The following GALNS variants were observed in gnomAD, a reference collection of about 807,000 sequenced individuals.
GALNS encodes galactosamine (N-acetyl)-6-sulfatase.
A neutral mutation model predicts 65.9 loss-of-function variants in GALNS; 65 were observed. The ratio of observed to expected loss-of-function variants is 0.99; its 90% CI spans 0.81 to 1.21. The LOEUF is 1.21. GALNS is among the 50% of genes most tolerant of loss of function. The pLI, the probability that GALNS is intolerant of heterozygous loss-of-function variation, is 0.00. For synonymous variants in GALNS, 346 were observed against 288.9 expected, an observed-to-expected ratio of 1.20 and a Z score of -2.00; for missense variants, 776 against 700.7, an observed-to-expected ratio of 1.11 and a Z score of -1.21.
intron 1 of GALNS, among the ~76,000 whole-genome samples, chr16:88,845,852 G>A (rs990791013): frequency 6.6e-6 from 1 of 151,658 alleles, no homozygotes. Flanking sequence ...GCCAAGTGTG[G>A]TGGTGTGTAC....
chr16:88,826,639 T>A (rs1037900875), intron 10 of GALNS, 63 bp downstream of exon 10: 24 of 1,577,304 alleles, frequency 1.5e-5, no homozygotes, highest in Non-Finnish European at 2.0e-5. Flanking sequence ...TTGCACCTGA[T>A]TAGCAGCTCT....
intron 3 of GALNS, 30 bp downstream of exon 3, chr16:88,841,867 G>C: frequency 1.9e-6 from 3 of 1,600,092 alleles, no homozygotes; most frequent in Admixed American, 1.7e-5. Flanking sequence ...TGCACCCCAA[G>C]GGTGTCCCTG....
intron 1 of GALNS, 176 bp from the exon 2 acceptor site, chr16:88,843,005 G>T (rs904488313): frequency 1.6e-5 from 24 of 1,509,144 alleles, no homozygotes; most frequent in African/African-American, 2.8e-5. Context: ...CGTGCACGAT[G>T]GGGCCGCTCC....
At chr16:88,851,409 G>A (rs1967502365) in intron 1 of GALNS, among the ~76,000 whole-genome samples, 1 of 152,170 alleles carries the variant, frequency 6.6e-6, no homozygotes, top group Non-Finnish European at 1.5e-5. Context: ...TGGCTGAATA[G>A]GAACAGCTCC....
rs1490386005 is a variant in GALNS at position 88,814,406 on chromosome 16, A to C, written c.*33T>G. ...TCCAGGCACTTGCAGGGCCAACCGG[A>C]GATTCTAGGCCTGGCCTGAGTCTGC... is the stretch of plus-strand genomic sequence containing the variant. On this transcript the variant is annotated 3_prime_UTR_variant, in exon 14 of 14. Transcript: ENST00000268695. 1 of 1,550,954 alleles carries C rather than the reference A, an allele frequency of 6.4e-7. No homozygotes were observed. The highest frequency in any genetic ancestry group is 2.4e-5 in the East Asian group (1 of 41,202).
intron 9 of GALNS, among the ~76,000 whole-genome samples, chr16:88,829,551 A>T (rs1911271717): frequency 6.6e-6 from 1 of 152,176 alleles, no homozygotes; most frequent in Non-Finnish European, 1.5e-5. Flanking sequence ...GGTCTGAGGG[A>T]GGCCCAGACA....
intron 4 of GALNS, among the ~76,000 whole-genome samples, chr16:88,838,161 G>T (rs1418852634): frequency 6.6e-6 from 1 of 152,194 alleles, no homozygotes; most frequent in Admixed American, 6.5e-5. Context: ...TCGAACCCAA[G>T]TGTGTCTCCT....
Position 88,814,498 on chromosome 16 carries a change from A to T in GALNS, c.1510T>A (p.Leu504Ile), listed in dbSNP as rs767011365. The change falls in exon 14 of 14, where the codon TTA becomes ATA. Residue 504 changes from leucine (L) to isoleucine (I), a missense_variant. Transcript: ENST00000268695. ...MNWAPPGCEK[L>I]GKCLTPPESI... ...TCTGGAGGTGTCAGACACTTCCCTA[A>T]CTTTTCACAGCCCGGAGGTGCCCAG... 1 of 1,561,010 alleles carries T rather than the reference A, an allele frequency of 6.4e-7. No homozygotes were observed. The highest frequency in any genetic ancestry group is 8.7e-7 in the Non-Finnish European group (1 of 1,151,838).
rs148565559 is a variant in GALNS, at chr16:88,837,689, A to C, written c.499T>G (p.Phe167Val). The C allele has an allele frequency of 1.6e-3, 2,524 of 1,614,082 alleles. 4 individuals carry two copies. Among genetic ancestry groups the C allele is most frequent in the Non-Finnish European group, 2.0e-3 (2,326 of 1,180,006 alleles). The stretch of plus-strand genomic sequence containing the variant: ...CTGGCCTTGTTGTCATAAGGTCCAA[A>C]GTGGCAGTTGGGGGATCCAAACCAC... The part of the protein sequence containing the change: ...DEWFGSPNCH[F>V]GPYDNKARPN... Residue 167 changes from phenylalanine (F) to valine (V), a missense_variant, in exon 5 of 14, where the codon TTT becomes GTT. Transcript: ENST00000268695.
At chr16:88,844,181 T>TG (rs1014419750) in intron 1 of GALNS, 29 of 145,508 alleles carry the variant, frequency 2.0e-4, no homozygotes, top group Admixed American at 1.8e-3. Context: ...GGAGGACGGG[T>TG]GAGCACAGGG....
intron 5 of GALNS, among the ~76,000 whole-genome samples, chr16:88,836,471 T>C (rs953626783): frequency 6.6e-6 from 1 of 152,064 alleles, no homozygotes; most frequent in African/African-American, 2.4e-5. Flanking sequence ...CTGGGCAACA[T>C]GGTGAAACTC....
chr16:88,823,004 A>G (rs1287167365), intron 11 of GALNS, among the ~76,000 whole-genome samples: 2 of 152,208 alleles, frequency 1.3e-5, no homozygotes, highest in African/African-American at 4.8e-5. Flanking sequence ...CGTAGCTGGC[A>G]TGCCTCACGT....
At position 88,836,212 on chromosome 16, in the gene GALNS, T is replaced by A; in HGVS notation, c.622A>T (p.Ile208Phe). ...GCGGTCCCCATCACCTGCAGGTAGA[T>A]CTGGGTGAGGTTGGCTTCCCCCGTC... ...LKTGEANLTQ[I>F]YLQEALDFIK... is the part of the protein sequence containing the mutation. The change falls in exon 6 of 14, where the codon ATC becomes TTC. Residue 208 changes from isoleucine (I) to phenylalanine (F), a missense_variant. Transcript: ENST00000268695. 6.2e-7 allele frequency: 1 copy of A among 1,613,496 alleles called. No individual in the cohort carries two copies. Among genetic ancestry groups the A allele is most frequent in the Non-Finnish European group, 8.5e-7 (1 of 1,179,748 alleles).
In GALNS at chr16:88,818,047, G is replaced by T; in HGVS notation, c.1442C>A (p.Pro481His). ...GCACACGTTGAGCTGGGGCTGCGCGGGGACCAAGGCCTCCTGGTGCTGCTG... is the reference window on the plus strand; with the variant it reads ...GCACACGTTGAGCTGGGGCTGCGCGTGGACCAAGGCCTCCTGGTGCTGCTG... ...VVQQHQEALVPAQPQLNVCNW... is the reference protein window; with the variant it reads ...VVQQHQEALVHAQPQLNVCNW... Residue 481 changes from proline to histidine, a missense_variant, in exon 13 of 14, where the codon CCC becomes CAC. By Grantham distance (77) the Pro-to-His change is moderately conservative. Coordinates refer to ENST00000268695, the MANE Select transcript of GALNS (RefSeq NM_000512.5). 1 of 1,583,098 alleles carries T rather than the reference G, an allele frequency of 6.3e-7. No individual in the cohort carries two copies. The highest frequency in any genetic ancestry group is 1.3e-5 in the African/African-American group (1 of 74,644).
chr16:88,855,592 G>A (rs1226402638), intron 1 of GALNS: 5 of 653,404 alleles, frequency 7.7e-6, no homozygotes, highest in South Asian at 3.2e-5. Flanking sequence ...CCCCTGGGTG[G>A]GGAAATTATG....
At chr16:88,822,423 G>A (rs1910325797) in intron 12 of GALNS, among the ~76,000 whole-genome samples, 166 bp downstream of exon 12, 1 of 152,176 alleles carries the variant, frequency 6.6e-6, no homozygotes. Context: ...AGGCACCCTG[G>A]GAGGAGGGCA....
rs117614496 is a variant in GALNS at position 88,829,121 on chromosome 16, C to T, written c.1003-2283G>A. On this transcript the variant is annotated intron_variant, in intron 9 of 13. Transcript: ENST00000268695. ...ACACAGTTCCTGAGTCTCATGCCAA[C>T]GTCTCCCAGAGCTACGCGGGTCCCG... Among the ~76,000 whole-genome samples the T allele has an allele frequency of 9.7e-3, 1,463 of 150,786 alleles. 31 individuals carry two copies. The highest frequency in any genetic ancestry group is 0.016 in the Non-Finnish European group (1,088 of 66,986).
chr16:88,851,294 G>A (rs1448061078), intron 1 of GALNS, among the ~76,000 whole-genome samples: 2 of 152,228 alleles, frequency 1.3e-5, no homozygotes, highest in South Asian at 2.1e-4. Context: ...AGGGAGGATC[G>A]CTTGAGCTCA....
intron 9 of GALNS, among the ~76,000 whole-genome samples, chr16:88,830,929 C>T (rs1237950491): frequency 2.6e-5 from 4 of 152,184 alleles, no homozygotes; most frequent in Non-Finnish European, 5.9e-5. Context: ...TTTAAACACT[C>T]AGCCTGCTCT....
Sources: allele counts gnomAD v4.1 joint callset (sites outside exome capture counted in the v4.1 genomes callset), GRCh38; gene constraint gnomAD v4.1.1; transcripts MANE v1.5; gene names NCBI Gene and HGNC (gene_info 2026-07-23, HGNC 2026-07-21).